Variants in CTXND1 observed in about 807,000 individuals in gnomAD.
CTXND1 encodes cortexin domain containing 1, also known as cortexin domain-containing 1 protein.
rs995238235 is a variant in CTXND1, at chr15:80,195,609, C to T, written c.*6161G>A. 1.3e-5 allele frequency: 2 copies of T among 152,170 alleles called. No individual in the cohort carries two copies. Among genetic ancestry groups the T allele is most frequent in the African/African-American group, 4.8e-5 (2 of 41,424 alleles). 9.4% of individuals were successfully genotyped at this position (152,170 alleles called of 1,614,324 possible). On this transcript the variant is annotated 3_prime_UTR_variant, in exon 3 of 3. Coordinates refer to ENST00000560778, the MANE Select transcript of CTXND1 (RefSeq NM_001352888.2). ...AACATGGTGGAAGGAATCACATGGG[C>T]AAGAGAGAAAAGAGGACCAAACACC...
At chr15:80,245,011 C>T (rs891531480) in intron 1 of CTXND1, among the ~76,000 whole-genome samples, 2 of 152,086 alleles carry the variant, frequency 1.3e-5, no homozygotes, top group African/African-American at 4.8e-5. Flanking sequence ...CCAATTTGTG[C>T]CTTGGACTTC....
chr15:80,229,442 C>T (rs1893405761), intron 1 of CTXND1, among the ~76,000 whole-genome samples: 1 of 152,206 alleles, frequency 6.6e-6, no homozygotes, highest in South Asian at 2.1e-4. Flanking sequence ...ATGTGTGAGT[C>T]ATACGTGGTG....
At chr15:80,208,917 T>C (rs1051627393) in intron 1 of CTXND1, among the ~76,000 whole-genome samples, 4 of 152,208 alleles carry the variant, frequency 2.6e-5, no homozygotes, top group African/African-American at 9.7e-5. Context: ...ATTTAGCGGC[T>C]GCTAGAGAAA....
In CTXND1 at chr15:80,201,499, A is replaced by T. The variant is rs1595902442; in HGVS notation, c.*271T>A. 1 of 331,272 alleles carries T rather than the reference A, an allele frequency of 3.0e-6. No individual in the cohort carries two copies. The allele number at this position is 331,272 out of a possible 1,614,324, so 20.5% of individuals were successfully genotyped here. ...GTGACTACCCTATCATCTCACAGGG[A>T]CTCCCCACACTGGAACCCCAGCCTC... On this transcript the variant is annotated 3_prime_UTR_variant, in exon 3 of 3. Coordinates refer to ENST00000560778, the MANE Select transcript of CTXND1 (RefSeq NM_001352888.2).
At chr15:80,219,056 G>A (rs746086586) in intron 1 of CTXND1, among the ~76,000 whole-genome samples, 8 of 148,930 alleles carry the variant, frequency 5.4e-5, no homozygotes, top group South Asian at 2.1e-4. Flanking sequence ...CTCAGTGTCC[G>A]TAGTAGCTGG....
rs141231844 is a variant in CTXND1, at chr15:80,232,590, C to T, written c.-218+19417G>A. On this transcript the variant is annotated intron_variant, in intron 1 of 2. Coordinates refer to ENST00000560778, the MANE Select transcript of CTXND1 (RefSeq NM_001352888.2). The stretch of plus-strand genomic sequence containing the variant: ...CACAAACGCTCTTGCTCAAGGTGCC[C>T]TTTCCTTCAAGCCCTTTAAAGCCCC... Among the ~76,000 whole-genome samples the T allele has an allele frequency of 8.7e-4, 132 of 152,246 alleles. 1 individual carries two copies. In the Middle Eastern group the frequency reaches 0.024, roughly 27 times the overall value.
chr15:80,213,326 G>A (rs1362945689), intron 1 of CTXND1, among the ~76,000 whole-genome samples: 1 of 152,232 alleles, frequency 6.6e-6, no homozygotes, highest in African/African-American at 2.4e-5. Context: ...GTGGCCAATG[G>A]TAGGTTGAAT....
rs1238326387 is a variant in CTXND1, at chr15:80,204,655, A to G, written c.-217-915T>C. The stretch of plus-strand genomic sequence containing the variant: ...CCGAATAATATTCCATTGTATATAT[A>G]TATATATATATATATATACCACATT... On this transcript the variant is annotated intron_variant, in intron 1 of 2. Transcript: ENST00000560778. 3.6e-5 allele frequency among the ~76,000 whole-genome samples: 5 copies of G among 140,526 alleles called. 1 individual carries two copies. Among genetic ancestry groups the G allele is most frequent in the East Asian group, 4.0e-4 (2 of 5,032 alleles). 92.2% of individuals were successfully genotyped at this position (140,526 alleles called of 152,430 possible). A position where few individuals can be genotyped will look rare whatever the true frequency, so the allele number is the denominator to read the frequency against.
rs1893113186 is a variant in CTXND1 at position 80,203,760 on chromosome 15, A to G, written c.-217-20T>C. The G allele has an allele frequency of 6.6e-6, 1 of 152,114 alleles. No homozygotes were observed. The highest frequency in any genetic ancestry group is 2.1e-4 in the South Asian group (1 of 4,802). The allele number at this position is 152,114 out of a possible 1,614,324, so 9.4% of individuals were successfully genotyped here. On this transcript the variant is annotated intron_variant, in intron 1 of 2. Transcript: ENST00000560778. ...GTGTGACTGTAAGAGAAAGAGACAA[A>G]GAAGACTAGTTATTTCCTGAGATGC...
intron 1 of CTXND1, among the ~76,000 whole-genome samples, chr15:80,249,778 ACT>A (rs1434591729): frequency 6.6e-6 from 1 of 152,198 alleles, no homozygotes; most frequent in East Asian, 1.9e-4. Context: ...CCATTCGCTG[ACT>A]CTCTGATTGT....
At chr15:80,237,751 G>A (rs1376065009) in intron 1 of CTXND1, among the ~76,000 whole-genome samples, 1 of 152,182 alleles carries the variant, frequency 6.6e-6, no homozygotes, top group East Asian at 1.9e-4. Flanking sequence ...GCTCACGCCT[G>A]TAATCCCAGC....
rs1243785811 is a variant in CTXND1 at position 80,199,397 on chromosome 15, G to T, written c.*2373C>A. 6.6e-6 allele frequency: 1 copy of T among 152,162 alleles called. No individual in the cohort carries two copies. The highest frequency in any genetic ancestry group is 1.5e-5 in the Non-Finnish European group (1 of 68,040). The allele number at this position is 152,162 out of a possible 1,614,324, so 9.4% of individuals were successfully genotyped here. On this transcript the variant is annotated 3_prime_UTR_variant, in exon 3 of 3. Coordinates refer to ENST00000560778, the MANE Select transcript of CTXND1 (RefSeq NM_001352888.2). ...AGCACCCTCTTTTTCACCCCTGAGG[G>T]TTCTAAAGTGTGTCGGGGAGGTCTG...
intron 1 of CTXND1, among the ~76,000 whole-genome samples, chr15:80,248,805 C>A (rs1893662656): frequency 6.6e-6 from 1 of 152,176 alleles, no homozygotes; most frequent in Non-Finnish European, 1.5e-5. Flanking sequence ...TGTCAGTATG[C>A]CTGCTGCCTC....
chr15:80,233,096 C>G (rs1567133513), intron 1 of CTXND1, among the ~76,000 whole-genome samples: 1 of 152,048 alleles, frequency 6.6e-6, no homozygotes. Context: ...CGCCCACCAC[C>G]ACGCCTGGCT....
intron 1 of CTXND1, among the ~76,000 whole-genome samples, chr15:80,218,754 G>A (rs778784624): frequency 4.6e-5 from 7 of 151,930 alleles, no homozygotes; most frequent in Non-Finnish European, 7.4e-5. Flanking sequence ...TTTTTAAAAA[G>A]GAAAGATATT....
intron 1 of CTXND1, among the ~76,000 whole-genome samples, chr15:80,248,446 CA>C (rs1479738175): frequency 6.6e-6 from 1 of 152,200 alleles, no homozygotes; most frequent in Non-Finnish European, 1.5e-5. Context: ...GTTTTGCCAT[CA>C]CATTACTCTC....
intron 1 of CTXND1, among the ~76,000 whole-genome samples, chr15:80,208,117 G>A (rs1202732744): frequency 6.6e-6 from 1 of 152,060 alleles, no homozygotes; most frequent in Non-Finnish European, 1.5e-5. Context: ...TTTGCCCTGG[G>A]ATTTTGAAAG....
Position 80,199,586 on chromosome 15 carries a change from A to C in CTXND1, c.*2184T>G, listed in dbSNP as rs1197137123. On this transcript the variant is annotated 3_prime_UTR_variant, in exon 3 of 3. Coordinates refer to ENST00000560778, the MANE Select transcript of CTXND1 (RefSeq NM_001352888.2). ...TGCTGAACCTGAGGCAATGCACAAA[A>C]GGCTTTTGCTTTAGATCCTCCCCAT... is the stretch of plus-strand genomic sequence containing the variant. 6.6e-6 allele frequency: 1 copy of C among 152,268 alleles called. No individual in the cohort carries two copies. Among genetic ancestry groups the C allele is most frequent in the Non-Finnish European group, 1.5e-5 (1 of 68,114 alleles). 9.4% of individuals were successfully genotyped at this position (152,268 alleles called of 1,614,324 possible). A position where few individuals can be genotyped will look rare whatever the true frequency, so the allele number is the denominator to read the frequency against.
intron 1 of CTXND1, among the ~76,000 whole-genome samples, chr15:80,249,617 G>A (rs1179745719): frequency 6.6e-6 from 1 of 152,188 alleles, no homozygotes; most frequent in Admixed American, 6.5e-5. Flanking sequence ...GATAAAAAAG[G>A]TGGCTTGCTT....
Sources: gnomAD v4.1 joint callset for allele counts (sites outside exome capture counted in the v4.1 genomes callset) on GRCh38, gnomAD v4.1.1 for gene constraint, MANE v1.5 for transcripts, NCBI Gene and HGNC (gene_info 2026-07-23, HGNC 2026-07-21) for gene names.